The following FBXO36 variants were observed in gnomAD, a reference collection of about 807,000 sequenced individuals.
The protein encoded by FBXO36 is F-box only protein 36.
A neutral mutation model predicts 17.0 loss-of-function variants in FBXO36; 18 were observed. That is an observed-to-expected ratio of 1.06 (90% CI 0.73 to 1.57). The LOEUF is 1.57. Ranked by LOEUF, FBXO36 falls within the 40% of genes most tolerant of loss-of-function variation. FBXO36 has a pLI of 0.00. For synonymous variants in FBXO36, 83 were observed against 85.3 expected (o/e 0.97, Z 0.15); for missense variants, 229 against 221.9 (o/e 1.03, Z -0.20).
intron 1 of FBXO36, among the ~76,000 whole-genome samples, chr2:229,934,097 G>A (rs1166677640): frequency 6.6e-6 from 1 of 151,956 alleles, no homozygotes; most frequent in Admixed American, 6.6e-5. Context: ...AAATTTCTCA[G>A]AGCCTTTCAA....
At chr2:229,953,285 G>A (rs545219032) in intron 1 of FBXO36, among the ~76,000 whole-genome samples, 163 of 152,226 alleles carry the variant, frequency 1.1e-3, no homozygotes, top group African/African-American at 3.5e-3. Flanking sequence ...GTTGCAGTGA[G>A]CGGAGATTGC....
intron 1 of FBXO36, among the ~76,000 whole-genome samples, chr2:229,936,949 T>C (rs996219759): frequency 6.6e-6 from 1 of 152,182 alleles, no homozygotes; most frequent in Middle Eastern, 3.2e-3. Flanking sequence ...ATTATAAAAT[T>C]AAGCCTGATC....
chr2:229,975,341 G>A (rs947638087), intron 1 of FBXO36, among the ~76,000 whole-genome samples: 1 of 152,184 alleles, frequency 6.6e-6, no homozygotes, highest in African/African-American at 2.4e-5. Context: ...GACAGTGAAG[G>A]AAGGAGGAGA....
chr2:229,936,667 G>C (rs1236309789), intron 1 of FBXO36, among the ~76,000 whole-genome samples: 8 of 151,970 alleles, frequency 5.3e-5, no homozygotes, highest in Non-Finnish European at 1.0e-4. Context: ...CCAGGAGTTC[G>C]AGACTAACCT....
intron 3 of FBXO36, among the ~76,000 whole-genome samples, chr2:229,998,177 A>T (rs1033713578): frequency 3.3e-5 from 5 of 152,222 alleles, no homozygotes; most frequent in African/African-American, 9.6e-5. Flanking sequence ...CTTTATTTTT[A>T]AAATTAATTT....
At chr2:229,941,676 G>A (rs925059143) in intron 1 of FBXO36, among the ~76,000 whole-genome samples, 1 of 151,958 alleles carries the variant, frequency 6.6e-6, no homozygotes, top group African/African-American at 2.4e-5. Context: ...TCTCACTCGA[G>A]GCTGCAAGTT....
At chr2:229,968,465 A>C (rs1008480928) in intron 1 of FBXO36, among the ~76,000 whole-genome samples, 1 of 152,110 alleles carries the variant, frequency 6.6e-6, no homozygotes, top group Non-Finnish European at 1.5e-5. Context: ...TAATTCTCTG[A>C]AATTTTTGTT....
intron 1 of FBXO36, among the ~76,000 whole-genome samples, chr2:229,924,311 T>TC (rs1221065078): frequency 6.6e-6 from 1 of 152,142 alleles, no homozygotes; most frequent in African/African-American, 2.4e-5. Context: ...CAGAGTGGTC[T>TC]CCAACTCCTG....
At chr2:230,004,146 AACACTGCT>A (rs2106216251) in intron 3 of FBXO36, among the ~76,000 whole-genome samples, 1 of 152,246 alleles carries the variant, frequency 6.6e-6, no homozygotes. Flanking sequence ...GCCTTTGCTT[AACACTGCT>A]CTCTTTTCCA....
intron 3 of FBXO36, among the ~76,000 whole-genome samples, chr2:229,999,792 T>G (rs1023154374): frequency 6.6e-6 from 1 of 152,020 alleles, no homozygotes; most frequent in Non-Finnish European, 1.5e-5. Context: ...TACAGATTAT[T>G]TAATCACCCA....
chr2:229,926,848 G>C (rs1376043632), intron 1 of FBXO36, among the ~76,000 whole-genome samples: 1 of 151,922 alleles, frequency 6.6e-6, no homozygotes, highest in Admixed American at 6.6e-5. Flanking sequence ...GTTAGGGGTG[G>C]AAAGGATCTT....
intron 1 of FBXO36, among the ~76,000 whole-genome samples, chr2:229,966,646 C>T (rs1398619761): frequency 6.6e-6 from 1 of 152,082 alleles, no homozygotes; most frequent in Admixed American, 6.6e-5. Context: ...GAATCCTTTC[C>T]CCATTTCTTG....
At position 230,011,543 on chromosome 2, in the gene FBXO36, C is replaced by T. The variant is rs2077415649; in HGVS notation, c.*659C>T. 1 of 151,870 alleles carries T rather than the reference C, an allele frequency of 6.6e-6. No individual in the cohort carries two copies. Among genetic ancestry groups the T allele is most frequent in the Non-Finnish European group, 1.5e-5 (1 of 67,988 alleles). The allele number at this position is 151,870 out of a possible 1,614,324, so 9.4% of individuals were successfully genotyped here. On this transcript the variant is annotated 3_prime_UTR_variant, in exon 4 of 4. Coordinates refer to ENST00000283946, the MANE Select transcript of FBXO36 (RefSeq NM_174899.5). Reference sequence around the variant, plus strand: ...CTTGCGGACCTTGCTCAAAGTACAACTTCCCAGGACTACTTCACATTGTTA... The same window carrying T: ...CTTGCGGACCTTGCTCAAAGTACAATTTCCCAGGACTACTTCACATTGTTA...
rs577947245 is a variant in FBXO36 at position 229,922,521 on chromosome 2, C to G, written c.8C>G (p.Ser3Trp). ...CGGCGGTGGCGTCCCAAGATGGCGT[C>G]GTGGCTGCCGGAGACTCTCTTTGAA... MASWLPETLFETV... is the reference protein window; with the variant it reads MAWWLPETLFETV... Residue 3 changes from serine to tryptophan, a missense_variant, in exon 1 of 4, where the codon TCG becomes TGG. Coordinates refer to ENST00000283946, the MANE Select transcript of FBXO36 (RefSeq NM_174899.5). 1.2e-6 allele frequency: 2 copies of G among 1,613,904 alleles called. No individual in the cohort carries two copies. Among genetic ancestry groups the G allele is most frequent in the Admixed American group, 1.7e-5 (1 of 60,010 alleles).
At chr2:229,967,632 T>C (rs1034808284) in intron 1 of FBXO36, among the ~76,000 whole-genome samples, 2 of 152,242 alleles carry the variant, frequency 1.3e-5, no homozygotes, top group Non-Finnish European at 2.9e-5. Flanking sequence ...TCTATTGAGA[T>C]AAACATGTGG....
chr2:230,003,484 A>G (rs2077370784), intron 3 of FBXO36, among the ~76,000 whole-genome samples: 1 of 151,426 alleles, frequency 6.6e-6, no homozygotes, highest in African/African-American at 2.4e-5. Flanking sequence ...TGGCACATTC[A>G]CAACAACCTT....
intron 2 of FBXO36, among the ~76,000 whole-genome samples, chr2:229,990,080 C>T (rs2077290759): frequency 6.6e-6 from 1 of 152,074 alleles, no homozygotes; most frequent in African/African-American, 2.4e-5. Flanking sequence ...TGAACAGCCA[C>T]TTATCCTTTC....
intron 1 of FBXO36, among the ~76,000 whole-genome samples, chr2:229,968,712 C>T (rs1446609225): frequency 1.3e-5 from 2 of 152,080 alleles, no homozygotes; most frequent in African/African-American, 4.8e-5. Context: ...AAGCAGTCTA[C>T]CCACCACAGC....
intron 1 of FBXO36, among the ~76,000 whole-genome samples, chr2:229,947,495 G>A (rs2077033097): frequency 1.3e-5 from 2 of 152,140 alleles, no homozygotes. Flanking sequence ...CAAGGATTTG[G>A]GCCATGGGGA....
Sources: gnomAD v4.1 joint callset for allele counts (sites outside exome capture counted in the v4.1 genomes callset) on GRCh38, gnomAD v4.1.1 for gene constraint, MANE v1.5 for transcripts, NCBI Gene and HGNC (gene_info 2026-07-23, HGNC 2026-07-21) for gene names.